LMBR1: variants seen among roughly 807,000 people sequenced by gnomAD.
LMBR1 encodes the protein limb region 1 protein homolog.
LMBR1 carries 52 observed loss-of-function variants against 73.9 expected under a neutral mutation model. That is an observed-to-expected ratio of 0.70 (90% confidence interval 0.56 to 0.89). LMBR1 has a LOEUF of 0.89. Among genes scored for constraint, LMBR1 ranks in the 40% least tolerant of loss-of-function variants. The probability of loss-of-function intolerance (pLI) is 0.00; values close to 1 mark genes in which losing one functional copy is unlikely to be tolerated. For synonymous variants in LMBR1, 215 were observed against 209.4 expected, an observed-to-expected ratio of 1.03 and a Z score of -0.23; for missense variants, 539 against 579.8, an observed-to-expected ratio of 0.93 and a Z score of 0.72.
In LMBR1 at chr7:156,757,900, G is replaced by A. The variant is rs144133593; in HGVS notation, c.685-1435C>T. On this transcript the variant is annotated intron_variant, in intron 8 of 16. Coordinates refer to ENST00000353442, the MANE Select transcript of LMBR1 (RefSeq NM_022458.4). ...TCATCACTGGCACACATACCAACTCGATCCTTGAGAAGCCTGACTTGGAAG... is the reference window on the plus strand; with the variant it reads ...TCATCACTGGCACACATACCAACTCAATCCTTGAGAAGCCTGACTTGGAAG... 3.1e-3 allele frequency among the ~76,000 whole-genome samples: 469 copies of A among 152,176 alleles called. 4 individuals are homozygous for A. The highest frequency in any genetic ancestry group is 0.011 in the African/African-American group (451 of 41,500).
chr7:156,769,142 A>G (rs1263175662), intron 5 of LMBR1, among the ~76,000 whole-genome samples: 1 of 152,116 alleles, frequency 6.6e-6, no homozygotes, highest in Non-Finnish European at 1.5e-5. Flanking sequence ...TACATCACAG[A>G]TGGAATAAGC....
At chr7:156,776,713 G>A (rs951782249) in intron 5 of LMBR1, among the ~76,000 whole-genome samples, 12 of 152,202 alleles carry the variant, frequency 7.9e-5, no homozygotes, top group African/African-American at 2.6e-4. Context: ...TGATGAGCCA[G>A]TATCAACAAT....
chr7:156,707,667 T>C (rs1413274375), intron 15 of LMBR1, among the ~76,000 whole-genome samples: 1 of 152,076 alleles, frequency 6.6e-6, no homozygotes, highest in Admixed American at 6.5e-5. Flanking sequence ...AACTTCAGCA[T>C]CCCTTCATGA....
At chr7:156,733,929 AT>A (rs1175329941) in intron 10 of LMBR1, 1 of 299,044 alleles carries the variant, frequency 3.3e-6, no homozygotes, top group Non-Finnish European at 6.3e-6. Flanking sequence ...TGAGAAGGCA[AT>A]GGAGCAACAT....
rs1252135723 is a variant in LMBR1, at chr7:156,670,961, A to AAG, written n.867-1676_867-1675dup. On this transcript the variant is annotated intron_variant and non_coding_transcript_variant, in intron 4 of 4. Transcript: ENST00000430825. This position sits in a 1 kb window ranked among gnomAD's most constrained non-coding sequence, Gnocchi z 4.3. ...CAAGAAAACTCATGTCTCAGGTTAA[A>AAG]AGAGAGAGAGAGCTTATGACAAAAA... Among the ~76,000 whole-genome samples the AAG allele has an allele frequency of 2.0e-5, 3 of 152,156 alleles. No homozygotes were observed. Among genetic ancestry groups the AAG allele is most frequent in the Non-Finnish European group, 4.4e-5 (3 of 68,018 alleles).
chr7:156,795,864 T>G (rs1393584052), intron 5 of LMBR1, among the ~76,000 whole-genome samples: 3 of 152,154 alleles, frequency 2.0e-5, no homozygotes, highest in African/African-American at 7.2e-5. Context: ...TGACTAAATT[T>G]TAATTGCCTG....
intron 1 of LMBR1, among the ~76,000 whole-genome samples, chr7:156,861,607 C>A (rs963157633): frequency 6.6e-6 from 1 of 152,166 alleles, no homozygotes; most frequent in African/African-American, 2.4e-5. Context: ...TGTCAGGCTG[C>A]GAATTTTCCA....
intron 15 of LMBR1, among the ~76,000 whole-genome samples, chr7:156,722,700 T>C (rs981062943): frequency 6.6e-6 from 1 of 152,158 alleles, no homozygotes; most frequent in Non-Finnish European, 1.5e-5. Flanking sequence ...GCATTTTAAT[T>C]GTTCCATCTT....
intron 1 of LMBR1, 110 bp from the exon 2 acceptor site, chr7:156,836,995 A>G: frequency 1.4e-6 from 1 of 717,886 alleles, no homozygotes; most frequent in East Asian, 2.8e-5. Context: ...ACTACTAAAA[A>G]GTTAAAATGC....
intron 3 of LMBR1, among the ~76,000 whole-genome samples, chr7:156,829,178 C>T (rs1370724621): frequency 6.6e-6 from 1 of 152,212 alleles, no homozygotes; most frequent in Non-Finnish European, 1.5e-5. Flanking sequence ...CTCATGGCGA[C>T]TGGCCAAGGA....
At chr7:156,740,158 A>C (rs1818621322) in intron 9 of LMBR1, among the ~76,000 whole-genome samples, 2 of 152,082 alleles carry the variant, frequency 1.3e-5, no homozygotes, top group African/African-American at 4.8e-5. Flanking sequence ...AGCAGAAGAA[A>C]GAACTGGTGA....
intron 9 of LMBR1, among the ~76,000 whole-genome samples, chr7:156,734,829 G>T (rs1302422760): frequency 6.6e-6 from 1 of 152,104 alleles, no homozygotes; most frequent in Admixed American, 6.5e-5. Context: ...TGAACAGCTT[G>T]GCTGATGCTT....
intron 15 of LMBR1, among the ~76,000 whole-genome samples, chr7:156,695,634 G>A (rs1257442613): frequency 6.6e-6 from 1 of 152,066 alleles, no homozygotes; most frequent in Non-Finnish European, 1.5e-5. Flanking sequence ...GTTAAACCAT[G>A]AGAAACTGCC....
chr7:156,712,702 G>A lies in LMBR1; in HGVS notation c.1225+11410C>T, dbSNP rs147092927. ...CAGCCAGAGCAAAGAATGAAATCATGTATTTCACAACAACATGGGTGGAAT... is the reference window on the plus strand; with the variant it reads ...CAGCCAGAGCAAAGAATGAAATCATATATTTCACAACAACATGGGTGGAAT... On this transcript the variant is annotated intron_variant, in intron 15 of 16. Coordinates refer to ENST00000353442, the MANE Select transcript of LMBR1 (RefSeq NM_022458.4). Among the ~76,000 whole-genome samples the A allele has an allele frequency of 4.7e-4, 72 of 152,302 alleles. No homozygotes were observed. The East Asian group carries it at 0.013, about 27-fold the overall frequency.
At chr7:156,886,296 G>A (rs1801892717) in intron 1 of LMBR1, among the ~76,000 whole-genome samples, 2 of 152,168 alleles carry the variant, frequency 1.3e-5, no homozygotes, top group Non-Finnish European at 2.9e-5. Flanking sequence ...ATGCTGAACG[G>A]GTTGGCCAAG....
At chr7:156,813,937 C>T (rs542495253) in intron 4 of LMBR1, among the ~76,000 whole-genome samples, 4 of 152,090 alleles carry the variant, frequency 2.6e-5, no homozygotes, top group South Asian at 4.1e-4. Flanking sequence ...TTTCCTCTAA[C>T]GAACTAAAAT....
intron 15 of LMBR1, among the ~76,000 whole-genome samples, chr7:156,695,507 C>T (rs1433765194): frequency 2.0e-5 from 3 of 152,092 alleles, no homozygotes; most frequent in Non-Finnish European, 4.4e-5. Flanking sequence ...GGGAAACAGG[C>T]ACATCTTACA....
intron 15 of LMBR1, among the ~76,000 whole-genome samples, chr7:156,707,098 T>C (rs1349935144): frequency 6.6e-6 from 1 of 152,010 alleles, no homozygotes; most frequent in Non-Finnish European, 1.5e-5. Flanking sequence ...GAGAATATTA[T>C]AAACAACTAT....
intron 9 of LMBR1, among the ~76,000 whole-genome samples, chr7:156,738,890 A>G (rs141460437): frequency 3.2e-4 from 48 of 152,254 alleles, no homozygotes; most frequent in African/African-American, 1.1e-3. Flanking sequence ...CTGATGCAGC[A>G]TATTCCCAGC....
Sources: allele counts gnomAD v4.1 joint callset (sites outside exome capture counted in the v4.1 genomes callset), GRCh38; gene constraint gnomAD v4.1.1; non-coding constraint Gnocchi (gnomAD v3.1); transcripts MANE v1.5; gene names NCBI Gene and HGNC (gene_info 2026-07-23, HGNC 2026-07-21).